ANKRD26: variants seen among roughly 807,000 people sequenced by gnomAD.
ANKRD26 encodes ankyrin repeat domain-containing protein 26.
Under a neutral mutation model 208.7 loss-of-function variants are expected in ANKRD26, and 141 were observed. That is an observed-to-expected ratio of 0.68 (90% CI 0.59 to 0.78). The LOEUF (loss-of-function observed/expected upper bound fraction) is 0.78. Among genes scored for constraint, ANKRD26 ranks in the 30% least tolerant of loss-of-function variants. The pLI, the probability that ANKRD26 is intolerant of heterozygous loss-of-function variation, is 0.00. For synonymous variants in ANKRD26, 636 were observed against 660.4 expected, an observed-to-expected ratio of 0.96 and a Z score of 0.57; for missense variants, 1,889 against 1,938.7, an observed-to-expected ratio of 0.97 and a Z score of 0.48.
In ANKRD26 at chr10:27,012,891, G is replaced by A. The variant is rs747042493; in HGVS notation, c.4944C>T (p.Tyr1648=). ...PRASNNSMEN[Y]LSKMQQELEK... ...AGACAACATAACTAACCTTGCTCAAGTAGTTCTCCATGCTATTATTTGAAG... is the reference window on the plus strand; with the variant it reads ...AGACAACATAACTAACCTTGCTCAAATAGTTCTCCATGCTATTATTTGAAG... Residue 1648 remains tyrosine (Y), a synonymous_variant, in exon 32 of 34, where the codon TAC becomes TAT. Transcript: ENST00000376087. The A allele has an allele frequency of 1.9e-6, 3 of 1,613,108 alleles. No homozygotes were observed. The highest frequency in any genetic ancestry group is 2.5e-6 in the Non-Finnish European group (3 of 1,179,098).
At chr10:27,090,682 T>C (rs1174438269) in intron 4 of ANKRD26, among the ~76,000 whole-genome samples, 2 of 152,222 alleles carry the variant, frequency 1.3e-5, no homozygotes, top group African/African-American at 2.4e-5. Flanking sequence ...CTGAGTTTAC[T>C]TATCTAAAGT....
intron 27 of ANKRD26, 140 bp from the exon 28 acceptor site, chr10:27,024,699 C>T (rs1044104620): frequency 2.4e-5 from 11 of 460,718 alleles, no homozygotes; most frequent in East Asian, 1.4e-4. Flanking sequence ...GCAATAAGAA[C>T]GGATTTGAAA....
intron 5 of ANKRD26, among the ~76,000 whole-genome samples, chr10:27,085,958 A>G (rs1157744719): frequency 6.6e-6 from 1 of 151,964 alleles, no homozygotes; most frequent in African/African-American, 2.4e-5. Flanking sequence ...TTACTACAAT[A>G]CATTATATAA....
chr10:26,953,193 G>A, the ANKRD26 span, among the ~76,000 whole-genome samples: 2 of 152,166 alleles, frequency 1.3e-5, no homozygotes, highest in Admixed American at 1.3e-4. Flanking sequence ...GGGAGGCTGA[G>A]GTGGGAGGTT....
At chr10:27,035,821 T>A in intron 23 of ANKRD26, 69 bp from the exon 24 acceptor site, 3 of 1,122,986 alleles carry the variant, frequency 2.7e-6, no homozygotes, top group Non-Finnish European at 4.0e-6. Flanking sequence ...CCTCTGAAAT[T>A]AAAGAATAAA....
downstream of ANKRD26, among the ~76,000 whole-genome samples, chr10:26,988,421 T>G (rs2052425410): frequency 6.6e-6 from 1 of 152,142 alleles, no homozygotes. Context: ...AGAGTGTGTC[T>G]GACCCAAAGA....
chr10:26,971,400 C>T (rs193206772), downstream of ANKRD26, among the ~76,000 whole-genome samples: 19 of 148,450 alleles, frequency 1.3e-4, no homozygotes, highest in Middle Eastern at 3.8e-3. Context: ...GAGAGCCAGG[C>T]GTGGTGGCTC....
At chr10:27,008,985 G>A (rs985669256) in intron 32 of ANKRD26, among the ~76,000 whole-genome samples, 16 of 152,082 alleles carry the variant, frequency 1.1e-4, no homozygotes, top group Admixed American at 3.3e-4. Flanking sequence ...GACTACAGGC[G>A]CGCAACACCA....
the ANKRD26 span, among the ~76,000 whole-genome samples, chr10:26,949,074 T>G: frequency 1.3e-5 from 2 of 152,144 alleles, no homozygotes; most frequent in African/African-American, 4.8e-5. Flanking sequence ...GGTATTTAGT[T>G]TTATTATGCT....
chr10:27,080,616 T>A, intron 6 of ANKRD26: 1 of 985,006 alleles, frequency 1.0e-6, no homozygotes, highest in South Asian at 4.7e-5. Flanking sequence ...AAGTACTATC[T>A]AAACACCTTC....
intron 33 of ANKRD26, among the ~76,000 whole-genome samples, chr10:27,006,113 T>C (rs940572727): frequency 6.6e-6 from 1 of 152,200 alleles, no homozygotes; most frequent in Admixed American, 6.5e-5. Context: ...GACAGGGCAC[T>C]ACTGGAACAC....
intron 9 of ANKRD26, among the ~76,000 whole-genome samples, chr10:27,072,435 A>G (rs1466747821): frequency 1.3e-5 from 2 of 152,074 alleles, no homozygotes; most frequent in Non-Finnish European, 2.9e-5. Context: ...TTGCACCCAC[A>G]TGTGGGGAGC....
intron 16 of ANKRD26, 27 bp downstream of exon 16, chr10:27,053,293 C>T (rs1418180322): frequency 3.1e-5 from 48 of 1,540,024 alleles, no homozygotes; most frequent in Non-Finnish European, 4.2e-5. Context: ...CAATATTAAA[C>T]CAGAAATTTT....
chr10:27,077,404 G>A lies in ANKRD26; in HGVS notation c.1011C>T (p.Thr337=). 1 of 1,614,014 alleles carries A rather than the reference G, an allele frequency of 6.2e-7. No individual in the cohort carries two copies. The highest frequency in any genetic ancestry group is 1.1e-5 in the South Asian group (1 of 91,080). Residue 337 remains threonine, a synonymous_variant, in exon 9 of 34, where the codon ACC becomes ACT. Coordinates refer to ENST00000376087, the MANE Select transcript of ANKRD26 (RefSeq NM_014915.3). ...SIKVQCFSHP[T]YQSPDLLPKP... Reference sequence around the variant, plus strand: ...TTGGAAGAAGGTCAGGTGATTGATAGGTAGGATGAGAAAAGCACTGGACTT... The same window carrying A: ...TTGGAAGAAGGTCAGGTGATTGATAAGTAGGATGAGAAAAGCACTGGACTT...
chr10:26,996,264 T>C lies in ANKRD26; in HGVS notation c.563-1117A>G, dbSNP rs117772975. On this transcript the variant is annotated intron_variant, in intron 4 of 5. Transcript: ENST00000445828. ...GAGTTTGAAACCAGCCTGGGAAATATAGTGAGAAAAAAAAAGGCCGGGCAC... is the reference window on the plus strand; with the variant it reads ...GAGTTTGAAACCAGCCTGGGAAATACAGTGAGAAAAAAAAAGGCCGGGCAC... 6.3e-3 allele frequency among the ~76,000 whole-genome samples: 957 copies of C among 151,656 alleles called. 29 individuals carry two copies. In the East Asian group the frequency reaches 0.1, roughly 16 times the overall value.
intron 25 of ANKRD26, among the ~76,000 whole-genome samples, chr10:27,032,288 C>T (rs1345258298): frequency 6.6e-6 from 1 of 152,008 alleles, no homozygotes; most frequent in Non-Finnish European, 1.5e-5. Context: ...CACCTGAGGT[C>T]AGGAATTCGA....
chr10:26,951,787 T>A, the ANKRD26 span, among the ~76,000 whole-genome samples: 11,914 of 152,210 alleles, frequency 0.078, 1,506 homozygotes, highest in African/African-American at 0.27. Flanking sequence ...AACGGTGTAT[T>A]AGTCATATCT....
intron 16 of ANKRD26, 65 bp from the exon 17 acceptor site, chr10:27,049,044 C>A: frequency 1.5e-6 from 2 of 1,368,550 alleles, no homozygotes; most frequent in South Asian, 2.7e-5. Flanking sequence ...TCTTTGTTTT[C>A]ATTGAGTTTA....
intron 4 of ANKRD26, among the ~76,000 whole-genome samples, chr10:27,089,574 T>C (rs1305003764): frequency 6.6e-6 from 1 of 152,238 alleles, no homozygotes; most frequent in Non-Finnish European, 1.5e-5. Flanking sequence ...GATGGATTGC[T>C]TGAGCCTAGG....
Sources: gnomAD v4.1 joint callset for allele counts (sites outside exome capture counted in the v4.1 genomes callset) on GRCh38, gnomAD v4.1.1 for gene constraint, MANE v1.5 for transcripts, NCBI Gene and HGNC (gene_info 2026-07-23, HGNC 2026-07-21) for gene names.